The following ADGRL3 variants were observed in gnomAD, a reference collection of about 807,000 sequenced individuals.
The protein encoded by ADGRL3 is calcium-independent alpha-latrotoxin receptor 3.
Under a neutral mutation model 153.5 loss-of-function variants are expected in ADGRL3, and 62 were observed. That is an observed-to-expected ratio of 0.40 (90% CI 0.33 to 0.50). The LOEUF is 0.50. Ranked by LOEUF, ADGRL3 falls within the 20% of genes least tolerant of loss-of-function variation. The pLI, the probability that ADGRL3 is intolerant of heterozygous loss-of-function variation, is 0.47. For missense variants in ADGRL3, 1,641 were observed against 1,859.4 expected (o/e 0.88, Z 2.16); for synonymous variants, 710 against 672.5 (o/e 1.06, Z -0.86).
rs529679591 is a variant in ADGRL3, at chr4:61,689,492, A to G, written c.583+12557A>G. ...AAGTGAAATAGTCAATGATTATACA[A>G]TTAGAACTCATTGGCTCTTAACAGC... On this transcript the variant is annotated intron_variant, in intron 6 of 26. Coordinates refer to ENST00000683033, the MANE Select transcript of ADGRL3 (RefSeq NM_001387552.1). Among the ~76,000 whole-genome samples, 11 of 152,306 alleles carry G rather than the reference A, an allele frequency of 7.2e-5. No individual in the cohort carries two copies. The South Asian group carries it at 1.4e-3, about 20-fold the overall frequency.
At chr4:61,756,504 T>G (rs1285801941) in intron 8 of ADGRL3, among the ~76,000 whole-genome samples, 3 of 152,214 alleles carry the variant, frequency 2.0e-5, no homozygotes, top group Non-Finnish European at 4.4e-5. Flanking sequence ...GCCTATCAAC[T>G]TAAGGAGATT....
At chr4:61,849,453 T>C (rs2098175421) in intron 9 of ADGRL3, among the ~76,000 whole-genome samples, 1 of 151,986 alleles carries the variant, frequency 6.6e-6, no homozygotes, top group Non-Finnish European at 1.5e-5. Flanking sequence ...ATGTGTTTTC[T>C]GCATTGTTTT....
chr4:61,699,971 AAC>A (rs369955435), intron 6 of ADGRL3, among the ~76,000 whole-genome samples: 79 of 150,862 alleles, frequency 5.2e-4, no homozygotes, highest in Admixed American at 5.3e-4. Context: ...CACACACAAA[AAC>A]ACACACAGAG....
At chr4:61,703,122 T>C (rs1325747540) in intron 6 of ADGRL3, among the ~76,000 whole-genome samples, 4 of 152,136 alleles carry the variant, frequency 2.6e-5, no homozygotes, top group Non-Finnish European at 5.9e-5. Flanking sequence ...TGTGAAGTAG[T>C]CTTATCATAA....
chr4:61,901,841 C>G lies in ADGRL3; in HGVS notation c.1887+6007C>G, dbSNP rs533936410. On this transcript the variant is annotated intron_variant, in intron 11 of 26. Coordinates refer to ENST00000683033, the MANE Select transcript of ADGRL3 (RefSeq NM_001387552.1). Reference sequence around the variant, plus strand: ...CTGATTCAAGTCCTAGATATAATCCCACCATATCAATATAGGCATTAATTT... The same window carrying G: ...CTGATTCAAGTCCTAGATATAATCCGACCATATCAATATAGGCATTAATTT... 3.9e-5 allele frequency among the ~76,000 whole-genome samples: 6 copies of G among 152,220 alleles called. No homozygotes were observed. The South Asian group carries it at 8.3e-4, about 21-fold the overall frequency.
At chr4:61,821,848 T>G (rs1419446096) in intron 9 of ADGRL3, among the ~76,000 whole-genome samples, 1 of 152,186 alleles carries the variant, frequency 6.6e-6, no homozygotes. Context: ...TTTTTAAAGT[T>G]CAAAATAAGC....
At position 62,076,982 on chromosome 4, in the gene ADGRL3, A is replaced by C. The variant is rs1423938032; in HGVS notation, c.*6074A>C. The C allele has an allele frequency of 6.6e-6, 1 of 151,626 alleles. No homozygotes were observed. The highest frequency in any genetic ancestry group is 1.9e-4 in the East Asian group (1 of 5,184). The allele number at this position is 151,626 out of a possible 1,614,324, so 9.4% of individuals were successfully genotyped here. A position where few individuals can be genotyped will look rare whatever the true frequency, so the allele number is the denominator to read the frequency against. On this transcript the variant is annotated 3_prime_UTR_variant, in exon 27 of 27. Coordinates refer to ENST00000683033, the MANE Select transcript of ADGRL3 (RefSeq NM_001387552.1). ...AGAATAATTTATTATTATATATATGAATATTACATTGAGACTGAACAAATA... is the reference window on the plus strand; with the variant it reads ...AGAATAATTTATTATTATATATATGCATATTACATTGAGACTGAACAAATA...
In ADGRL3 at chr4:61,760,100, C is replaced by G. The variant is rs111649166; in HGVS notation, c.1399+26546C>G. ...GCCCCTACCTCCCAGTTAGGCTACT[C>G]AGGGGTCAGGGACCCACTTGAGGCA... On this transcript the variant is annotated intron_variant, in intron 8 of 26. Transcript: ENST00000683033. 5.3e-3 allele frequency among the ~76,000 whole-genome samples: 805 copies of G among 152,280 alleles called. 9 individuals carry two copies. Among genetic ancestry groups the G allele is most frequent in the African/African-American group, 0.018 (741 of 41,572 alleles).
chr4:61,333,928 T>A (rs972337781), intron 1 of ADGRL3, among the ~76,000 whole-genome samples: 31 of 151,602 alleles, frequency 2.0e-4, no homozygotes, highest in Admixed American at 7.2e-4. Context: ...TATTTTTTTT[T>A]TTTTTTTTAG....
At chr4:61,227,682 T>C (rs372149938) in intron 1 of ADGRL3, among the ~76,000 whole-genome samples, 58 of 152,346 alleles carry the variant, frequency 3.8e-4, no homozygotes, top group African/African-American at 1.3e-3. Flanking sequence ...GCTTACGTTT[T>C]CATTTATCAT....
chr4:62,049,566 T>C (rs570875908), intron 25 of ADGRL3, among the ~76,000 whole-genome samples: 29 of 152,298 alleles, frequency 1.9e-4, no homozygotes, highest in African/African-American at 5.5e-4. Flanking sequence ...TCAGTAAATA[T>C]ATGTAATTGG....
intron 1 of ADGRL3, among the ~76,000 whole-genome samples, chr4:61,219,900 G>C (rs1244381933): frequency 6.6e-6 from 1 of 152,068 alleles, no homozygotes; most frequent in Non-Finnish European, 1.5e-5. Flanking sequence ...CTGAGGTCAG[G>C]AGTTTGAGAC....
intron 1 of ADGRL3, among the ~76,000 whole-genome samples, chr4:61,370,768 C>A (rs1480647809): frequency 1.3e-5 from 2 of 152,028 alleles, no homozygotes. Context: ...GAGCTGAGTT[C>A]AATTCCTGGG....
intron 1 of ADGRL3, among the ~76,000 whole-genome samples, chr4:61,218,248 TAGA>T (rs1357525914): frequency 3.3e-5 from 5 of 152,120 alleles, no homozygotes; most frequent in African/African-American, 1.2e-4. Context: ...AGTCCTATAA[TAGA>T]AGATACTATA....
At chr4:61,995,800 G>T (rs1486522789) in intron 19 of ADGRL3, among the ~76,000 whole-genome samples, 1 of 152,078 alleles carries the variant, frequency 6.6e-6, no homozygotes, top group African/African-American at 2.4e-5. Context: ...AATCTCAAAG[G>T]TTGGCTGCCC....
chr4:61,627,105 T>C (rs2092879005), intron 5 of ADGRL3, among the ~76,000 whole-genome samples: 2 of 152,188 alleles, frequency 1.3e-5, no homozygotes, highest in South Asian at 2.1e-4. Flanking sequence ...CTCTGATTAA[T>C]ATTTTTATTA....
chr4:61,681,978 AG>A (rs1338928517), intron 6 of ADGRL3, among the ~76,000 whole-genome samples: 1 of 152,084 alleles, frequency 6.6e-6, no homozygotes, highest in East Asian at 1.9e-4. Flanking sequence ...GACTGGAAGA[AG>A]AAAGAAAATT....
intron 24 of ADGRL3, among the ~76,000 whole-genome samples, chr4:62,038,911 T>A (rs1310820359): frequency 1.3e-5 from 2 of 152,118 alleles, no homozygotes; most frequent in Non-Finnish European, 2.9e-5. Context: ...GACTAGTGTT[T>A]TTAAGATTGC....
At chr4:61,900,959 C>T (rs2098661363) in intron 11 of ADGRL3, among the ~76,000 whole-genome samples, 1 of 152,112 alleles carries the variant, frequency 6.6e-6, no homozygotes, top group South Asian at 2.1e-4. Context: ...TAGTCTCTTG[C>T]CTCAGCTTGA....
Sources: gnomAD v4.1 joint callset for allele counts (sites outside exome capture counted in the v4.1 genomes callset) on GRCh38, gnomAD v4.1.1 for gene constraint, MANE v1.5 for transcripts, NCBI Gene and HGNC (gene_info 2026-07-23, HGNC 2026-07-21) for gene names.